The following NRF1 variants were observed in gnomAD, a reference collection of about 807,000 sequenced individuals.
The protein encoded by NRF1 is alpha palindromic-binding protein.
NRF1 carries 5 observed loss-of-function variants against 58.5 expected under a neutral mutation model. The ratio of observed to expected loss-of-function variants is 0.09; its 90% CI spans 0.04 to 0.18. NRF1 has a LOEUF of 0.18. Ranked by LOEUF, NRF1 falls within the 10% of genes least tolerant of loss-of-function variation. The pLI is 1.00. For synonymous variants in NRF1, 224 were observed against 246.7 expected (o/e 0.91, Z 0.86); for missense variants, 288 against 657.7 (o/e 0.44, Z 6.15).
chr7:129,722,325 A>C (rs1803346037), intron 9 of NRF1, among the ~76,000 whole-genome samples: 1 of 151,066 alleles, frequency 6.6e-6, no homozygotes, highest in Admixed American at 6.6e-5. Context: ...TGGGAGGCGG[A>C]GGTTGCAGTG....
At chr7:129,750,573 C>T (rs988664259) in intron 10 of NRF1, among the ~76,000 whole-genome samples, 8 of 152,178 alleles carry the variant, frequency 5.3e-5, no homozygotes, top group Non-Finnish European at 2.9e-5. Flanking sequence ...AATTGGGGTT[C>T]CAAGGCATGC....
At chr7:129,693,236 T>G (rs1289185072) in intron 5 of NRF1, among the ~76,000 whole-genome samples, 2 of 152,226 alleles carry the variant, frequency 1.3e-5, no homozygotes, top group Non-Finnish European at 2.9e-5. Context: ...TTACTCAGTG[T>G]GGACGCTGAC....
chr7:129,634,377 A>AT (rs746365428), intron 1 of NRF1, among the ~76,000 whole-genome samples: 35 of 150,644 alleles, frequency 2.3e-4, no homozygotes, highest in Middle Eastern at 3.4e-3. Context: ...CCTGACAACT[A>AT]TTTTTTTTTA....
intron 5 of NRF1, among the ~76,000 whole-genome samples, chr7:129,697,494 G>A (rs1802726799): frequency 6.8e-6 from 1 of 147,290 alleles, no homozygotes. Flanking sequence ...GTTGCAGTGA[G>A]CCGAGATCAC....
intron 9 of NRF1, among the ~76,000 whole-genome samples, chr7:129,726,352 T>C (rs1803452452): frequency 6.6e-6 from 1 of 152,176 alleles, no homozygotes; most frequent in Non-Finnish European, 1.5e-5. Flanking sequence ...CATGAAATAA[T>C]AGTATGTCTT....
At chr7:129,683,512 T>C (rs2151089428) in intron 4 of NRF1, among the ~76,000 whole-genome samples, 1 of 151,840 alleles carries the variant, frequency 6.6e-6, no homozygotes, top group East Asian at 1.9e-4. Flanking sequence ...ATGTTTTTAC[T>C]AGAGACGGGG....
chr7:129,727,392 A>G (rs956727434), intron 10 of NRF1, 27 bp downstream of exon 10: 4 of 1,564,590 alleles, frequency 2.6e-6, no homozygotes, highest in Admixed American at 2.1e-5. Flanking sequence ...ATTTTATTAA[A>G]TTTCTTCCCT....
chr7:129,619,973 A>T (rs904814105), intron 1 of NRF1, among the ~76,000 whole-genome samples: 2 of 152,048 alleles, frequency 1.3e-5, no homozygotes, highest in Non-Finnish European at 2.9e-5. Context: ...GTGTGAGTGC[A>T]TGTGTGATTT....
rs151248054 is a variant in NRF1 at position 129,752,150 on chromosome 7, G to A, written c.1349-2868G>A. ...GGCCTGTTGCAGACATGCATCAACT[G>A]GCCCAGCTGGCTTATCCATGGCTGT... is the stretch of plus-strand genomic sequence containing the variant. On this transcript the variant is annotated intron_variant, in intron 10 of 10. Transcript: ENST00000393232. 2.6e-5 allele frequency among the ~76,000 whole-genome samples: 4 copies of A among 152,348 alleles called. No homozygotes were observed. The East Asian group carries it at 7.7e-4, about 29-fold the overall frequency.
rs753689643 is a variant in NRF1 at position 129,741,670 on chromosome 7, G to A, written c.1349-13348G>A. ...TCTTATAAAGTTTTTCAGGTTCTTG[G>A]GTAAAGGGGACTTTCCTCTTTTTAT... is the stretch of plus-strand genomic sequence containing the variant. On this transcript the variant is annotated intron_variant, in intron 10 of 10. Transcript: ENST00000393232. This position sits in a 1 kb window ranked among gnomAD's most constrained non-coding sequence, Gnocchi z 4.0. 6.6e-6 allele frequency among the ~76,000 whole-genome samples: 1 copy of A among 152,098 alleles called. No homozygotes were observed. The highest frequency in any genetic ancestry group is 1.5e-5 in the Non-Finnish European group (1 of 68,024).
chr7:129,688,274 G>A (rs796640549), intron 4 of NRF1, among the ~76,000 whole-genome samples: 38 of 152,086 alleles, frequency 2.5e-4, no homozygotes, highest in African/African-American at 7.5e-4. Flanking sequence ...CCACAGGTGC[G>A]CACTACCATG....
intron 1 of NRF1, among the ~76,000 whole-genome samples, chr7:129,648,081 G>T (rs57200963): frequency 0.02 from 3,091 of 151,726 alleles, 101 homozygotes; most frequent in African/African-American, 0.068. Flanking sequence ...GAAATAGAAG[G>T]ACTTACAATA....
chr7:129,732,269 T>C (rs1803598768), intron 10 of NRF1, among the ~76,000 whole-genome samples: 1 of 152,240 alleles, frequency 6.6e-6, no homozygotes, highest in Admixed American at 6.5e-5. Flanking sequence ...AGAAACACTC[T>C]TCTGTCTGAG....
intron 3 of NRF1, among the ~76,000 whole-genome samples, chr7:129,673,511 C>CCT (rs1192702236): frequency 1.3e-5 from 2 of 151,492 alleles, no homozygotes; most frequent in Non-Finnish European, 2.9e-5. Context: ...GGGCGGATCA[C>CCT]GAGGTCAGGA....
At chr7:129,672,077 T>C (rs932549790) in intron 3 of NRF1, among the ~76,000 whole-genome samples, 1 of 152,020 alleles carries the variant, frequency 6.6e-6, no homozygotes, top group Non-Finnish European at 1.5e-5. Context: ...GAAGAACATC[T>C]CAGGCAGGGT....
intron 9 of NRF1, among the ~76,000 whole-genome samples, chr7:129,719,531 CACACACACACACAA>C (rs1320080501): frequency 9.9e-6 from 1 of 101,400 alleles, no homozygotes; most frequent in East Asian, 4.5e-4. Context: ...CACACACACA[CACACACACACACAA>C]CACATCTTCT....
At position 129,721,225 on chromosome 7, in the gene NRF1, G is replaced by T. The variant is rs554684192; in HGVS notation, c.1223+3849G>T. On this transcript the variant is annotated intron_variant, in intron 9 of 10. Coordinates refer to ENST00000393232, the MANE Select transcript of NRF1 (RefSeq NM_005011.5). ...CCTGAATATGGCCAGTATAGTCCTT[G>T]CATGTAGAGATCATGATTTGGCTTT... Among the ~76,000 whole-genome samples, 324 of 152,090 alleles carry T rather than the reference G, an allele frequency of 2.1e-3. 1 individual carries two copies. Among genetic ancestry groups the T allele is most frequent in the African/African-American group, 7.1e-3 (295 of 41,476 alleles).
At chr7:129,719,497 A>AACACACACAC (rs67443980) in intron 9 of NRF1, among the ~76,000 whole-genome samples, 8,985 of 141,620 alleles carry the variant, frequency 0.063, 389 homozygotes, top group Middle Eastern at 0.09. Flanking sequence ...AGGAAACTGA[A>AACACACACAC]ACACACACAC....
chr7:129,683,266 A>G (rs1289595951), intron 4 of NRF1, among the ~76,000 whole-genome samples: 1 of 151,394 alleles, frequency 6.6e-6, no homozygotes. Context: ...AAAGACAAGA[A>G]AAAAATTTCA....
Sources: allele counts gnomAD v4.1 joint callset (sites outside exome capture counted in the v4.1 genomes callset), GRCh38; gene constraint gnomAD v4.1.1; non-coding constraint Gnocchi (gnomAD v3.1); transcripts MANE v1.5; gene names NCBI Gene and HGNC (gene_info 2026-07-23, HGNC 2026-07-21).